The following ANKRD30B variants were observed in gnomAD, a reference collection of about 807,000 sequenced individuals.
The protein encoded by ANKRD30B is ankyrin repeat domain 30B.
In ANKRD30B, 144 loss-of-function variants were observed where a neutral mutation model predicts 202.2. The ratio of observed to expected loss-of-function variants is 0.71; its 90% CI spans 0.62 to 0.82. The LOEUF (loss-of-function observed/expected upper bound fraction) is 0.82, where lower values mean the gene tolerates loss of function less well. Among genes scored for constraint, ANKRD30B ranks in the 40% least tolerant of loss-of-function variants. The pLI, the probability that ANKRD30B is intolerant of heterozygous loss-of-function variation, is 0.00. For synonymous variants in ANKRD30B, 508 were observed against 561.3 expected (o/e 0.91, Z 1.34); for missense variants, 1,487 against 1,669.1 (o/e 0.89, Z 1.90).
Position 14,784,380 on chromosome 18 carries a change from G to C in ANKRD30B, c.1599+16G>C, listed in dbSNP as rs1202532148. The C allele has an allele frequency of 1.9e-6, 3 of 1,612,672 alleles. No homozygotes were observed. The Admixed American group carries it at 5.0e-5, about 27-fold the overall frequency. On this transcript the variant is annotated intron_variant, in intron 13 of 43. Coordinates refer to ENST00000690538, the MANE Select transcript of ANKRD30B (RefSeq NM_001367607.2). ...TGCCTTCAAGGTATTTAGTTTTATG[G>C]TTTCATTTTGAATGACTTATTAACT...
At chr18:14,790,066 T>C (rs1968364182) in intron 15 of ANKRD30B, among the ~76,000 whole-genome samples, 1 of 152,210 alleles carries the variant, frequency 6.6e-6, no homozygotes, top group South Asian at 2.1e-4. Flanking sequence ...TTTATTTCAT[T>C]GAGCAGTGGT....
chr18:14,860,394 G>A, the ANKRD30B span, among the ~76,000 whole-genome samples: 2 of 121,952 alleles, frequency 1.6e-5, no homozygotes, highest in African/African-American at 6.3e-5. Flanking sequence ...GGGGTGGCCG[G>A]GCAGAGGCGC....
chr18:14,806,434 A>G (rs1969519693), intron 24 of ANKRD30B, among the ~76,000 whole-genome samples: 1 of 150,980 alleles, frequency 6.6e-6, no homozygotes, highest in Non-Finnish European at 1.5e-5. Flanking sequence ...AGCCATTACA[A>G]ATGTGGCTCA....
intron 34 of ANKRD30B, among the ~76,000 whole-genome samples, chr18:14,836,580 A>G (rs1971183988): frequency 1.3e-5 from 2 of 152,164 alleles, no homozygotes; most frequent in Non-Finnish European, 1.5e-5. Flanking sequence ...TGGAAAAGTC[A>G]CCTTTCTAAA....
chr18:14,835,886 C>T (rs962290948), intron 34 of ANKRD30B, among the ~76,000 whole-genome samples: 1 of 151,828 alleles, frequency 6.6e-6, no homozygotes, highest in African/African-American at 2.4e-5. Context: ...GGTCATTTTG[C>T]AGAATCTTGT....
At position 14,808,758 on chromosome 18, in the gene ANKRD30B, T is replaced by C; in HGVS notation, c.2386+14T>C. 7.0e-7 allele frequency: 1 copy of C among 1,419,644 alleles called. No homozygotes were observed. Among genetic ancestry groups the C allele is most frequent in the Non-Finnish European group, 9.5e-7 (1 of 1,047,516 alleles). 87.9% of individuals were successfully genotyped at this position (1,419,644 alleles called of 1,614,324 possible). A position where few individuals can be genotyped will look rare whatever the true frequency, so the allele number is the denominator to read the frequency against. On this transcript the variant is annotated intron_variant, in intron 26 of 43. Coordinates refer to ENST00000690538, the MANE Select transcript of ANKRD30B (RefSeq NM_001367607.2). ...CACTCAAAGCAGGTAAATTTTGTAA[T>C]TTAAATTTTAATCTGGAATTAAGAA...
At chr18:14,776,970 A>G (rs1375359629) in intron 9 of ANKRD30B, among the ~76,000 whole-genome samples, 1 of 152,220 alleles carries the variant, frequency 6.6e-6, no homozygotes, top group African/African-American at 2.4e-5. Context: ...CATGCCATGC[A>G]TAGTTTTTAA....
At chr18:14,905,973 G>T in the ANKRD30B span, 1 of 151,922 alleles carries the variant, frequency 6.6e-6, no homozygotes, top group African/African-American at 2.4e-5. Context: ...TCAGTTTTTT[G>T]GGTTTCTTTA....
chr18:14,873,316 A>G, the ANKRD30B span, among the ~76,000 whole-genome samples: 2 of 151,952 alleles, frequency 1.3e-5, 1 homozygote, highest in Admixed American at 1.3e-4. Flanking sequence ...ACGAGGTCAG[A>G]ATTTTGAGAC....
the ANKRD30B span, among the ~76,000 whole-genome samples, chr18:14,924,250 C>T: frequency 1.3e-5 from 2 of 152,198 alleles, no homozygotes; most frequent in Non-Finnish European, 2.9e-5. Flanking sequence ...TCAATAATAT[C>T]CAATCACTCA....
the ANKRD30B span, among the ~76,000 whole-genome samples, chr18:14,937,204 T>C: frequency 2.0e-5 from 3 of 151,986 alleles, no homozygotes; most frequent in Admixed American, 1.3e-4. Flanking sequence ...TGGTCATGAG[T>C]GTAAAGGAAA....
Position 14,798,347 on chromosome 18 carries a change from G to C in ANKRD30B, c.2029+493G>C, listed in dbSNP as rs183428062. ...ATTCTTTAACTAACATCTGTATGCAGAAATACAGTACACAGGGATAAGAAT... is the reference window on the plus strand; with the variant it reads ...ATTCTTTAACTAACATCTGTATGCACAAATACAGTACACAGGGATAAGAAT... On this transcript the variant is annotated intron_variant, in intron 20 of 43. Coordinates refer to ENST00000690538, the MANE Select transcript of ANKRD30B (RefSeq NM_001367607.2). Among the ~76,000 whole-genome samples, 24 of 152,218 alleles carry C rather than the reference G, an allele frequency of 1.6e-4. 1 individual carries two copies. Among genetic ancestry groups the C allele is most frequent in the Admixed American group, 1.6e-3 (24 of 15,272 alleles).
chr18:14,763,721 C>T lies in ANKRD30B; in HGVS notation c.856C>T (p.Pro286Ser), dbSNP rs759291819. The T allele has an allele frequency of 3.8e-5, 61 of 1,613,920 alleles. No homozygotes were observed. Among genetic ancestry groups the T allele is most frequent in the Non-Finnish European group, 6.8e-6 (8 of 1,179,988 alleles). Residue 286 changes from proline to serine, a missense_variant, in exon 7 of 44, where the codon CCC becomes TCC. Physicochemically the swap from Pro to Ser is moderately conservative, Grantham distance 74. Coordinates refer to ENST00000690538, the MANE Select transcript of ANKRD30B (RefSeq NM_001367607.2). Reference sequence around the variant, plus strand: ...TACAGGAACACCTGATGAGGCTGCACCCTTGGCGGAAAGAACACCTGACAC... The same window carrying T: ...TACAGGAACACCTGATGAGGCTGCATCCTTGGCGGAAAGAACACCTGACAC... ...TSTGTPDEAA[P>S]LAERTPDTAE...
chr18:14,862,767 TG>T, the ANKRD30B span, among the ~76,000 whole-genome samples: 1 of 152,220 alleles, frequency 6.6e-6, no homozygotes, highest in Non-Finnish European at 1.5e-5. Context: ...GCAGCCATGG[TG>T]ACTGTACACT....
At chr18:14,753,589 A>G (rs560699041) in intron 3 of ANKRD30B, among the ~76,000 whole-genome samples, 6 of 152,216 alleles carry the variant, frequency 3.9e-5, no homozygotes, top group Non-Finnish European at 5.9e-5. Flanking sequence ...CAAGGTATTC[A>G]AGACAGTTGA....
At chr18:14,840,814 T>C (rs1461000953) in intron 37 of ANKRD30B, 136 bp downstream of exon 37, 2 of 491,192 alleles carry the variant, frequency 4.1e-6, no homozygotes, top group East Asian at 3.9e-5. Flanking sequence ...GTGAAAGTTA[T>C]GTGTCTTCTC....
chr18:14,786,886 A>G (rs1457968366), intron 14 of ANKRD30B, among the ~76,000 whole-genome samples, 153 bp from the exon 15 acceptor site: 1 of 152,226 alleles, frequency 6.6e-6, no homozygotes, highest in Non-Finnish European at 1.5e-5. Flanking sequence ...TGATGGAGTG[A>G]CTATAGAAGT....
intron 24 of ANKRD30B, among the ~76,000 whole-genome samples, chr18:14,807,659 G>A (rs1380621461): frequency 1.3e-5 from 2 of 149,114 alleles, no homozygotes; most frequent in Admixed American, 6.6e-5. Flanking sequence ...CGGCTCCCAA[G>A]TAGCTGCGGT....
In ANKRD30B at chr18:14,854,612, C is replaced by A. The variant is rs917193107; in HGVS notation, c.*454C>A. Among the ~76,000 whole-genome samples, 1 of 152,146 alleles carries A rather than the reference C, an allele frequency of 6.6e-6. No individual in the cohort carries two copies. The highest frequency in any genetic ancestry group is 2.4e-5 in the African/African-American group (1 of 41,430). On this transcript the variant is annotated 3_prime_UTR_variant, in exon 44 of 44. Coordinates refer to ENST00000690538, the MANE Select transcript of ANKRD30B (RefSeq NM_001367607.2). The stretch of plus-strand genomic sequence containing the variant: ...TACTGGACAATAGAGTTTATAGTCT[C>A]CCATTTAGGTACAAGCCTAGACAGA...
Sources: allele counts gnomAD v4.1 joint callset (sites outside exome capture counted in the v4.1 genomes callset), GRCh38; gene constraint gnomAD v4.1.1; transcripts MANE v1.5; gene names NCBI Gene and HGNC (gene_info 2026-07-23, HGNC 2026-07-21).